Variants in TBC1D32 observed in about 807,000 individuals in gnomAD.
The protein encoded by TBC1D32 is TBC1 domain family member 32, also known as protein broad-minded.
TBC1D32 carries 151 observed loss-of-function variants against 170.3 expected under a neutral mutation model. That is an observed-to-expected ratio of 0.89 (90% confidence interval 0.78 to 1.01). The LOEUF (loss-of-function observed/expected upper bound fraction) is 1.01. TBC1D32 is among the 50% of genes least tolerant of loss of function. The pLI is 0.00. For missense variants in TBC1D32, 1,464 were observed against 1,457.1 expected (o/e 1.00, Z -0.08); for synonymous variants, 498 against 488.0 (o/e 1.02, Z -0.27).
chr6:121,100,764 C>CA (rs1252994576), intron 30 of TBC1D32, among the ~76,000 whole-genome samples: 22 of 151,746 alleles, frequency 1.4e-4, no homozygotes, highest in African/African-American at 5.3e-4. Flanking sequence ...GACAGAGAAA[C>CA]AAAAAACCCT....
At chr6:121,266,928 G>T (rs1355665347) in intron 15 of TBC1D32, among the ~76,000 whole-genome samples, 1 of 152,018 alleles carries the variant, frequency 6.6e-6, no homozygotes, top group Non-Finnish European at 1.5e-5. Context: ...AGGGGCAAGG[G>T]GAGGGAGAGT....
At chr6:121,103,106 A>T (rs1290677) in intron 30 of TBC1D32, among the ~76,000 whole-genome samples, 1 of 152,008 alleles carries the variant, frequency 6.6e-6, no homozygotes, top group African/African-American at 2.4e-5. Flanking sequence ...GAGGATGTGG[A>T]GAAATAGGAA....
chr6:121,231,892 T>A (rs1376939110), intron 20 of TBC1D32, among the ~76,000 whole-genome samples: 1 of 152,214 alleles, frequency 6.6e-6, no homozygotes, highest in Non-Finnish European at 1.5e-5. Flanking sequence ...GCTGATTATT[T>A]CTTTTGCTGG....
chr6:121,116,536 G>GT (rs745943072), intron 26 of TBC1D32, among the ~76,000 whole-genome samples: 89 of 152,294 alleles, frequency 5.8e-4, no homozygotes, highest in Middle Eastern at 3.4e-3. Flanking sequence ...TAATACTAAT[G>GT]TTTTTTCTCT....
rs1803473697 is a variant in TBC1D32, at chr6:121,284,300, CA to C, written c.1373-391del. The stretch of plus-strand genomic sequence containing the variant: ...CACAAAACTGTAGAACAGGGCTTAG[CA>C]AACTTTCTCTTTAAAGGACTCCAGA... On this transcript the variant is annotated intron_variant, in intron 12 of 31. Coordinates refer to ENST00000398212, the MANE Select transcript of TBC1D32 (RefSeq NM_152730.6). 2.6e-5 allele frequency among the ~76,000 whole-genome samples: 4 copies of C among 152,164 alleles called. No individual in the cohort carries two copies. In the South Asian group the frequency reaches 8.3e-4, roughly 32 times the overall value.
chr6:121,150,686 C>G lies in TBC1D32; in HGVS notation c.2773+9324G>C, dbSNP rs576312453. On this transcript the variant is annotated intron_variant, in intron 24 of 31. Coordinates refer to ENST00000398212, the MANE Select transcript of TBC1D32 (RefSeq NM_152730.6). Reference sequence around the variant, plus strand: ...ATTATTGCCTCAATTTCAGAACTTGCTATTGGTCTATTCAAGGATTCAACT... The same window carrying G: ...ATTATTGCCTCAATTTCAGAACTTGGTATTGGTCTATTCAAGGATTCAACT... Among the ~76,000 whole-genome samples, 3 of 152,152 alleles carry G rather than the reference C, an allele frequency of 2.0e-5. No individual in the cohort carries two copies. In the South Asian group the frequency reaches 6.2e-4, roughly 32 times the overall value.
intron 4 of TBC1D32, among the ~76,000 whole-genome samples, chr6:121,309,064 A>G (rs1807781573): frequency 6.6e-6 from 1 of 152,184 alleles, no homozygotes; most frequent in South Asian, 2.1e-4. Context: ...CCAGGGCCCA[A>G]CTTTTAGACA....
Position 121,081,020 on chromosome 6 carries a change from A to G in TBC1D32, c.3655-130T>C, listed in dbSNP as rs565873908. ...GGGGTGGGCTGTTTATGTTGCCAGT[A>G]AATGTGTCATTGCTTTTTATTTAGT... On this transcript the variant is annotated intron_variant, in intron 31 of 31. Coordinates refer to ENST00000398212, the MANE Select transcript of TBC1D32 (RefSeq NM_152730.6). 1.5e-5 allele frequency: 15 copies of G among 1,004,114 alleles called. 1 individual carries two copies. In the African/African-American group the frequency reaches 2.0e-4, roughly 13 times the overall value. The allele number at this position is 1,004,114 out of a possible 1,614,324, so 62.2% of individuals were successfully genotyped here. A position where few individuals can be genotyped will look rare whatever the true frequency, so the allele number is the denominator to read the frequency against.
chr6:121,267,338 C>T (rs1206192132), intron 15 of TBC1D32, among the ~76,000 whole-genome samples: 1 of 152,148 alleles, frequency 6.6e-6, no homozygotes, highest in Admixed American at 6.5e-5. Context: ...GAAAGCGAAG[C>T]CCAAGGGGTC....
At chr6:121,313,881 A>G (rs1808580132) in intron 3 of TBC1D32, among the ~76,000 whole-genome samples, 1 of 152,188 alleles carries the variant, frequency 6.6e-6, no homozygotes, top group African/African-American at 2.4e-5. Context: ...AGCATTGTAG[A>G]GCTTTGAAGA....
At chr6:121,117,116 A>G (rs1779760344) in intron 26 of TBC1D32, among the ~76,000 whole-genome samples, 1 of 152,204 alleles carries the variant, frequency 6.6e-6, no homozygotes, top group African/African-American at 2.4e-5. Context: ...CATTTGAAGG[A>G]ATAAAAGTTA....
intron 20 of TBC1D32, among the ~76,000 whole-genome samples, chr6:121,228,986 G>C (rs964225607): frequency 3.9e-5 from 6 of 152,006 alleles, no homozygotes; most frequent in African/African-American, 1.4e-4. Context: ...ATTATAAAAT[G>C]TGTCTCTTAA....
At chr6:121,175,467 A>G (rs1642030970) in intron 22 of TBC1D32, among the ~76,000 whole-genome samples, 1 of 152,230 alleles carries the variant, frequency 6.6e-6, no homozygotes, top group African/African-American at 2.4e-5. Context: ...TTAATCCAGC[A>G]GTTAATTAAA....
chr6:121,321,898 T>C, intron 1 of TBC1D32, 104 bp from the exon 2 acceptor site: 4 of 1,056,374 alleles, frequency 3.8e-6, no homozygotes, highest in Non-Finnish European at 5.2e-6. Context: ...TACCTTAAAC[T>C]AGGATTAAAT....
Position 121,175,175 on chromosome 6 carries a change from TAAG to T in TBC1D32, c.2571-14122_2571-14120del, listed in dbSNP as rs558443578. Among the ~76,000 whole-genome samples, 11 of 152,272 alleles carry T rather than the reference TAAG, an allele frequency of 7.2e-5. No homozygotes were observed. In the East Asian group the frequency reaches 1.7e-3, roughly 24 times the overall value. On this transcript the variant is annotated intron_variant, in intron 22 of 31. Transcript: ENST00000398212. ...AACCCAGATATATAAGGCTGTAGGT[TAAG>T]AAGGTTTAGGGAGACACTTTTCTTT...
At chr6:121,107,577 T>G (rs1778817849) in intron 29 of TBC1D32, among the ~76,000 whole-genome samples, 1 of 151,926 alleles carries the variant, frequency 6.6e-6, no homozygotes, top group African/African-American at 2.4e-5. Flanking sequence ...AATAATAATA[T>G]GGACTGAATG....
rs181592910 is a variant in TBC1D32, at chr6:121,244,555, T to C, written c.2019-2216A>G. On this transcript the variant is annotated intron_variant, in intron 17 of 31. Coordinates refer to ENST00000398212, the MANE Select transcript of TBC1D32 (RefSeq NM_152730.6). ...GGGAGTATAACTGCCTCTGCTGTGC[T>C]GTGTTTTTAGTTTGAAATCCTCTAC... Among the ~76,000 whole-genome samples, 12 of 152,286 alleles carry C rather than the reference T, an allele frequency of 7.9e-5. No homozygotes were observed. The East Asian group carries it at 2.3e-3, about 29-fold the overall frequency.
At chr6:121,218,066 G>T (rs1367334367) in intron 21 of TBC1D32, among the ~76,000 whole-genome samples, 1 of 152,166 alleles carries the variant, frequency 6.6e-6, no homozygotes, top group Non-Finnish European at 1.5e-5. Flanking sequence ...GTCTGGTAGG[G>T]TTCTAAATAT....
chr6:121,090,199 T>A (rs1776667127), intron 31 of TBC1D32, among the ~76,000 whole-genome samples: 1 of 152,194 alleles, frequency 6.6e-6, no homozygotes, highest in Non-Finnish European at 1.5e-5. Context: ...CCCAAAGTGC[T>A]GGGATTACAG....
Sources: gnomAD v4.1 joint callset for allele counts (sites outside exome capture counted in the v4.1 genomes callset) on GRCh38, gnomAD v4.1.1 for gene constraint, MANE v1.5 for transcripts, NCBI Gene and HGNC (gene_info 2026-07-23, HGNC 2026-07-21) for gene names.